POLR3B: variants seen among roughly 807,000 people sequenced by gnomAD.
POLR3B encodes DNA-directed RNA polymerase III subunit RPC2.
POLR3B carries 96 observed loss-of-function variants against 147.4 expected under a neutral mutation model. The ratio of observed to expected loss-of-function variants is 0.65; its 90% CI spans 0.55 to 0.77. The LOEUF is 0.77. POLR3B is among the 30% of genes least tolerant of loss of function. The pLI is 0.00. For synonymous variants in POLR3B, 461 were observed against 485.9 expected, an observed-to-expected ratio of 0.95 and a Z score of 0.67; for missense variants, 1,036 against 1,413.5, an observed-to-expected ratio of 0.73 and a Z score of 4.28.
intron 25 of POLR3B, among the ~76,000 whole-genome samples, chr12:106,500,738 T>C (rs907868916): frequency 6.6e-6 from 1 of 151,962 alleles, no homozygotes; most frequent in African/African-American, 2.4e-5. Context: ...TGAGGAGTAA[T>C]GAAGAGGCCA....
chr12:106,435,548 T>C (rs1440892072), intron 16 of POLR3B, among the ~76,000 whole-genome samples: 1 of 152,116 alleles, frequency 6.6e-6, no homozygotes, highest in Admixed American at 6.5e-5. Flanking sequence ...ATGATATACC[T>C]GTGTTTGAAT....
Position 106,410,817 on chromosome 12 carries a change from G to T in POLR3B, c.967-9G>T. On this transcript the variant is annotated splice_polypyrimidine_tract_variant and intron_variant, in intron 11 of 27. Coordinates refer to ENST00000228347, the MANE Select transcript of POLR3B (RefSeq NM_018082.6). ...TTCTCAAAATTTTTCTCCAATTTCT[G>T]ACTTACAGGTTAAGGAATTCAATTT... is the stretch of plus-strand genomic sequence containing the variant. 1 of 1,613,438 alleles carries T rather than the reference G, an allele frequency of 6.2e-7. No homozygotes were observed. Among genetic ancestry groups the T allele is most frequent in the Non-Finnish European group, 8.5e-7 (1 of 1,179,634 alleles).
chr12:106,486,247 C>T (rs1472446702), intron 23 of POLR3B, among the ~76,000 whole-genome samples: 3 of 142,580 alleles, frequency 2.1e-5, no homozygotes, highest in Non-Finnish European at 4.5e-5. Context: ...CTAGATTGGG[C>T]CACTGCACTC....
At chr12:106,481,461 T>C (rs1439365986) in intron 23 of POLR3B, among the ~76,000 whole-genome samples, 2 of 152,232 alleles carry the variant, frequency 1.3e-5, no homozygotes, top group Non-Finnish European at 2.9e-5. Flanking sequence ...GCAATACTAG[T>C]ACTTCGTGTC....
chr12:106,501,741 A>T (rs2038605123), intron 26 of POLR3B, among the ~76,000 whole-genome samples: 1 of 152,244 alleles, frequency 6.6e-6, no homozygotes, highest in African/African-American at 2.4e-5. Context: ...ATACAAGAAG[A>T]TGTGTATGTA....
intron 7 of POLR3B, among the ~76,000 whole-genome samples, chr12:106,378,037 A>G (rs973880600): frequency 3.9e-5 from 6 of 152,238 alleles, no homozygotes; most frequent in South Asian, 4.1e-4. Flanking sequence ...GCAGTGAGCT[A>G]TGATTGTGCC....
intron 26 of POLR3B, among the ~76,000 whole-genome samples, 178 bp downstream of exon 26, chr12:106,501,614 A>G (rs2038602918): frequency 6.6e-6 from 1 of 152,244 alleles, no homozygotes; most frequent in African/African-American, 2.4e-5. Context: ...GTAGCAGCCA[A>G]TTAAAAAATA....
At chr12:106,447,362 T>C (rs1479722783) in intron 19 of POLR3B, among the ~76,000 whole-genome samples, 4 of 152,132 alleles carry the variant, frequency 2.6e-5, no homozygotes, top group Admixed American at 2.6e-4. Flanking sequence ...ACCTTCTATG[T>C]AAGAGAGCTA....
intron 23 of POLR3B, among the ~76,000 whole-genome samples, chr12:106,476,896 T>C (rs1294366488): frequency 2.0e-5 from 3 of 151,932 alleles, no homozygotes; most frequent in Non-Finnish European, 4.4e-5. Flanking sequence ...TCCAGCTTTG[T>C]TCCGTTGCTG....
chr12:106,490,952 TTGA>T (rs1565913752), intron 23 of POLR3B, among the ~76,000 whole-genome samples: 1 of 152,162 alleles, frequency 6.6e-6, no homozygotes, highest in East Asian at 1.9e-4. Flanking sequence ...AGACAGTGTC[TTGA>T]TGATGTTAAA....
At chr12:106,453,671 A>ATGT (rs2137026972) in intron 19 of POLR3B, among the ~76,000 whole-genome samples, 1 of 152,296 alleles carries the variant, frequency 6.6e-6, no homozygotes, top group African/African-American at 2.4e-5. Context: ...CCACAAGCCG[A>ATGT]GGAGACTGAA....
At chr12:106,494,562 T>G (rs1170383377) in intron 23 of POLR3B, among the ~76,000 whole-genome samples, 1 of 152,228 alleles carries the variant, frequency 6.6e-6, no homozygotes, top group Non-Finnish European at 1.5e-5. Context: ...TCGGTGCACC[T>G]AGATTTACAA....
chr12:106,508,590 C>T (rs766674475), intron 27 of POLR3B, among the ~76,000 whole-genome samples: 1 of 152,202 alleles, frequency 6.6e-6, no homozygotes, highest in Non-Finnish European at 1.5e-5. Flanking sequence ...AATTCACTTT[C>T]TCCCCAGGGA....
intron 8 of POLR3B, among the ~76,000 whole-genome samples, chr12:106,378,602 A>T (rs2136899936): frequency 6.6e-6 from 1 of 152,240 alleles, no homozygotes; most frequent in Admixed American, 6.5e-5. Context: ...TTGAAAAGTC[A>T]CTGTTTAAGC....
chr12:106,468,950 A>G (rs969169152), intron 23 of POLR3B, among the ~76,000 whole-genome samples: 9 of 152,194 alleles, frequency 5.9e-5, no homozygotes, highest in Non-Finnish European at 1.0e-4. Flanking sequence ...GTAGATGTCT[A>G]TTAGGTCCAT....
chr12:106,428,380 G>C (rs948145513), intron 13 of POLR3B, among the ~76,000 whole-genome samples: 2 of 152,176 alleles, frequency 1.3e-5, no homozygotes, highest in Non-Finnish European at 1.5e-5. Context: ...AGCAGGCCTA[G>C]TTACAGGTGT....
chr12:106,487,995 C>T (rs2038362923), intron 23 of POLR3B, among the ~76,000 whole-genome samples: 1 of 152,086 alleles, frequency 6.6e-6, no homozygotes, highest in Non-Finnish European at 1.5e-5. Flanking sequence ...GGTGACAGAC[C>T]CAATAAGCAA....
chr12:106,456,039 T>G (rs2037859655), intron 20 of POLR3B, among the ~76,000 whole-genome samples: 1 of 152,238 alleles, frequency 6.6e-6, no homozygotes, highest in African/African-American at 2.4e-5. Flanking sequence ...ATTTCATCAG[T>G]AATAAGCGGC....
chr12:106,492,382 C>CA (rs879539927), intron 23 of POLR3B, among the ~76,000 whole-genome samples: 2,660 of 144,192 alleles, frequency 0.018, 37 homozygotes, highest in Non-Finnish European at 0.028. Context: ...CTCATCTCTA[C>CA]AAAAAAAAAA....
Sources: allele counts gnomAD v4.1 joint callset (sites outside exome capture counted in the v4.1 genomes callset), GRCh38; gene constraint gnomAD v4.1.1; transcripts MANE v1.5; gene names NCBI Gene and HGNC (gene_info 2026-07-23, HGNC 2026-07-21).